Variants in GATM observed in about 807,000 individuals in gnomAD.
GATM encodes the protein glycine amidinotransferase.
In GATM, 23 loss-of-function variants were observed where a neutral mutation model predicts 54.2. The observed-to-expected ratio is 0.42, with a 90% CI of 0.31 to 0.60. The LOEUF is 0.60. GATM is among the 20% of genes least tolerant of loss of function. GATM has a pLI of 0.14. For synonymous variants in GATM, 168 were observed against 183.1 expected (o/e 0.92, Z 0.67); for missense variants, 401 against 544.9 (o/e 0.74, Z 2.63).
At position 45,378,473 on chromosome 15, in the gene GATM, C is replaced by G. The variant is rs756139671; in HGVS notation, c.-20G>C. 1 of 1,426,138 alleles carries G rather than the reference C, an allele frequency of 7.0e-7. No homozygotes were observed. The highest frequency in any genetic ancestry group is 9.1e-7 in the Non-Finnish European group (1 of 1,096,128). The allele number at this position is 1,426,138 out of a possible 1,614,324, so 88.3% of individuals were successfully genotyped here. A position where few individuals can be genotyped will look rare whatever the true frequency, so the allele number is the denominator to read the frequency against. ...CAGCATCGCCCTGGCCCGGCTGGTC[C>G]ACGCGCGGAATGTTCCTGGCCTCTG... On this transcript the variant is annotated 5_prime_UTR_variant, in exon 1 of 9. Coordinates refer to ENST00000396659, the MANE Select transcript of GATM (RefSeq NM_001482.3).
Position 45,369,480 on chromosome 15 carries a change from T to C in GATM, c.330A>G (p.Gln110=), listed in dbSNP as rs1288775. 6.2e-7 allele frequency: 1 copy of C among 1,613,888 alleles called. No individual in the cohort carries two copies. Among genetic ancestry groups the C allele is most frequent in the Non-Finnish European group, 8.5e-7 (1 of 1,179,910 alleles). The change falls in exon 3 of 9, where the codon CAA becomes CAG. Residue 110 remains glutamine, a synonymous_variant. Coordinates refer to ENST00000396659, the MANE Select transcript of GATM (RefSeq NM_001482.3). ...GATCTTTGGGAAAATAATGCCCTCC[T>C]TGCTTCTGGTAAAATGGCCAGTACT... ...YEKYWPFYQK[Q]GGHYFPKDHL... is the part of the protein sequence containing the mutation.
At chr15:45,376,408 TCAGGAAGC>T (rs1889635271) in intron 2 of GATM, among the ~76,000 whole-genome samples, 185 bp downstream of exon 2, 4 of 36,454 alleles carry the variant, frequency 1.1e-4, no homozygotes, top group Non-Finnish European at 1.5e-4. Context: ...GGGAAGAGCT[TCAGGAAGC>T]TCTTCAGGAA....
chr15:45,370,600 C>A (rs1411722991), intron 2 of GATM, among the ~76,000 whole-genome samples: 2 of 151,990 alleles, frequency 1.3e-5, no homozygotes. Flanking sequence ...ATATGATAAG[C>A]AAATTCACAA....
intron 6 of GATM, 97 bp downstream of exon 6, chr15:45,365,949 G>A (rs1889441777): frequency 8.8e-7 from 1 of 1,136,408 alleles, no homozygotes; most frequent in African/African-American, 1.5e-5. Flanking sequence ...CTGTCATTTA[G>A]AACCATTAGG....
chr15:45,379,306 A>G (rs766218781), upstream of GATM: 1 of 152,228 alleles, frequency 6.6e-6, no homozygotes, highest in South Asian at 2.1e-4. Flanking sequence ...GTGGATTTGT[A>G]CAGAGCTAGA....
chr15:45,370,253 G>A (rs1889517902), intron 2 of GATM, among the ~76,000 whole-genome samples: 1 of 152,000 alleles, frequency 6.6e-6, no homozygotes, highest in African/African-American at 2.4e-5. Context: ...GCACGTGCCT[G>A]TAGTCACAGC....
chr15:45,389,868 T>C (rs1157037712), intron 3 of GATM, among the ~76,000 whole-genome samples: 1 of 151,104 alleles, frequency 6.6e-6, no homozygotes, highest in African/African-American at 2.4e-5. Flanking sequence ...TTTCTTTTTC[T>C]TTTTTTTTGG....
intron 2 of GATM, among the ~76,000 whole-genome samples, chr15:45,374,186 C>T (rs751672045): frequency 7.9e-5 from 12 of 152,220 alleles, no homozygotes; most frequent in Non-Finnish European, 1.8e-4. Context: ...GCTAAGTAAC[C>T]GAGACTAGCT....
chr15:45,363,505 T>C, intron 8 of GATM: 1 of 260,476 alleles, frequency 3.8e-6, no homozygotes, highest in Non-Finnish European at 7.3e-6. Flanking sequence ...TCTGCATCCG[T>C]ACCCTTTTGA....
rs2114501 is a variant in GATM at position 45,378,118 on chromosome 15, G to A, written c.69+267C>T. 133,354 of 413,080 alleles carry A rather than the reference G, an allele frequency of 0.32. 26,092 individuals carry two copies. Among genetic ancestry groups the A allele is most frequent in the East Asian group, 0.85 (20,040 of 23,492 alleles). The allele number at this position is 413,080 out of a possible 1,614,324, so 25.6% of individuals were successfully genotyped here. ...CCTGCGCCGTGGGCCAGCAGGCCGCGGACGCGCAGACAGCAAGTGGACCCC... is the reference window on the plus strand; with the variant it reads ...CCTGCGCCGTGGGCCAGCAGGCCGCAGACGCGCAGACAGCAAGTGGACCCC... On this transcript the variant is annotated intron_variant, in intron 1 of 8. Transcript: ENST00000396659.
intron 2 of GATM, among the ~76,000 whole-genome samples, chr15:45,372,055 C>T (rs558287403): frequency 6.6e-6 from 1 of 152,272 alleles, no homozygotes; most frequent in African/African-American, 2.4e-5. Context: ...TTTAGAAAAA[C>T]TGAATGATGC....
In GATM at chr15:45,362,082, G is replaced by T; in HGVS notation, c.*27C>A. On this transcript the variant is annotated 3_prime_UTR_variant, in exon 9 of 9. Coordinates refer to ENST00000396659, the MANE Select transcript of GATM (RefSeq NM_001482.3). ...CCTAAGCTTCTTAGGTGTATCTGAG[G>T]CCAGCCACAAGCTCCATCAGGCCTG... The T allele has an allele frequency of 7.1e-7, 1 of 1,402,906 alleles. No individual in the cohort carries two copies. Among genetic ancestry groups the T allele is most frequent in the Non-Finnish European group, 1.0e-6 (1 of 989,336 alleles). 86.9% of individuals were successfully genotyped at this position (1,402,906 alleles called of 1,614,324 possible). A position where few individuals can be genotyped will look rare whatever the true frequency, so the allele number is the denominator to read the frequency against.
intron 2 of GATM, among the ~76,000 whole-genome samples, chr15:45,370,900 A>C (rs1317260933): frequency 1.3e-5 from 2 of 152,156 alleles, no homozygotes; most frequent in Non-Finnish European, 2.9e-5. Flanking sequence ...CAACTCCCTG[A>C]GTAACTGGGA....
chr15:45,380,831 T>C (rs1346268), upstream of GATM, among the ~76,000 whole-genome samples: 48,615 of 151,898 alleles, frequency 0.32, 8,868 homozygotes, highest in East Asian at 0.83. Context: ...CCAGTCCTAC[T>C]GTTATAAAAG....
intron 2 of GATM, among the ~76,000 whole-genome samples, chr15:45,370,018 A>C (rs999478458): frequency 1.6e-4 from 25 of 152,216 alleles, no homozygotes; most frequent in African/African-American, 5.8e-4. Flanking sequence ...GTGAAGGGAA[A>C]AAAAAAGATA....
At chr15:45,399,591 C>T (rs1224001576) in exon 2 of GATM, 1 of 156,758 alleles carries the variant, frequency 6.4e-6, no homozygotes, top group Non-Finnish European at 1.4e-5. Context: ...TCCCAGCCTC[C>T]AGAACTGTAA....
chr15:45,361,930 G>C lies in GATM; in HGVS notation c.*179C>G. The C allele has an allele frequency of 3.2e-6, 2 of 627,056 alleles. No homozygotes were observed. The highest frequency in any genetic ancestry group is 5.5e-5 in the East Asian group (2 of 36,592). The allele number at this position is 627,056 out of a possible 1,614,324, so 38.8% of individuals were successfully genotyped here. A position where few individuals can be genotyped will look rare whatever the true frequency, so the allele number is the denominator to read the frequency against. On this transcript the variant is annotated 3_prime_UTR_variant, in exon 9 of 9. Transcript: ENST00000396659. The stretch of plus-strand genomic sequence containing the variant: ...TAGGAGTAGAGAGTAATACCTAGCA[G>C]AAGTTATTTTCTTTATGTCAAAGAA...
upstream of GATM, among the ~76,000 whole-genome samples, chr15:45,382,517 C>T (rs1816953319): frequency 6.6e-6 from 1 of 152,036 alleles, no homozygotes; most frequent in Non-Finnish European, 1.5e-5. Flanking sequence ...CAAAAATTAG[C>T]CAGGTGTGTT....
intron 2 of GATM, among the ~76,000 whole-genome samples, chr15:45,398,815 T>C (rs550317273): frequency 2.5e-4 from 38 of 152,338 alleles, no homozygotes; most frequent in African/African-American, 8.9e-4. Flanking sequence ...TTATTTAATC[T>C]ACAGATGACT....
Sources: gnomAD v4.1 joint callset for allele counts (sites outside exome capture counted in the v4.1 genomes callset) on GRCh38, gnomAD v4.1.1 for gene constraint, MANE v1.5 for transcripts, NCBI Gene and HGNC (gene_info 2026-07-23, HGNC 2026-07-21) for gene names.